Variants in AUTS2 observed in about 807,000 individuals in gnomAD.
The protein encoded by AUTS2 is activator of transcription and developmental regulator AUTS2.
In AUTS2, 17 loss-of-function variants were observed where a neutral mutation model predicts 112.4. The observed-to-expected ratio is 0.15, with a 90% CI of 0.10 to 0.23. AUTS2 has a LOEUF of 0.23. Ranked by LOEUF, AUTS2 falls within the 10% of genes least tolerant of loss-of-function variation. AUTS2 has a pLI of 1.00. For synonymous variants in AUTS2, 751 were observed against 702.7 expected (o/e 1.07, Z -1.09); for missense variants, 1,510 against 1,701.6 (o/e 0.89, Z 1.98).
intron 1 of AUTS2, among the ~76,000 whole-genome samples, chr7:69,637,456 C>T (rs1794601641): frequency 1.3e-5 from 2 of 152,130 alleles, no homozygotes; most frequent in African/African-American, 4.8e-5. Context: ...TTTACGTCAG[C>T]CTTATAATCT....
intron 5 of AUTS2, among the ~76,000 whole-genome samples, chr7:70,441,793 AT>A (rs1009181526): frequency 1.3e-5 from 2 of 152,232 alleles, no homozygotes; most frequent in African/African-American, 4.8e-5. Flanking sequence ...GCAAAGTCTT[AT>A]GTTCCTAACT....
rs138459725 is a variant in AUTS2 at position 69,705,025 on chromosome 7, C to T, written c.309+105063C>T. Among the ~76,000 whole-genome samples the T allele has an allele frequency of 7.9e-5, 12 of 152,248 alleles. No homozygotes were observed. The East Asian group carries it at 2.3e-3, about 29-fold the overall frequency. On this transcript the variant is annotated intron_variant, in intron 1 of 18. Transcript: ENST00000342771. ...GGGACTACAGGTGCACACCACCATG[C>T]CCGGCTAATTTTTGTACTTTTTGTA...
In AUTS2 at chr7:70,698,626, AC is replaced by A; in HGVS notation, c.742+9del. The A allele has an allele frequency of 6.2e-7, 1 of 1,600,602 alleles. No individual in the cohort carries two copies. The highest frequency in any genetic ancestry group is 8.5e-7 in the Non-Finnish European group (1 of 1,172,930). Reference sequence around the variant, plus strand: ...CACTGTTATTGTAAACAAAGGTAAGACCCATTCATTCTCCTGAGTAATGGCT... The same window carrying A: ...CACTGTTATTGTAAACAAAGGTAAGACCATTCATTCTCCTGAGTAATGGCT... On this transcript the variant is annotated splice_region_variant and intron_variant, in intron 6 of 18. Transcript: ENST00000342771.
intron 2 of AUTS2, among the ~76,000 whole-genome samples, chr7:70,091,281 T>C (rs1055586624): frequency 6.6e-6 from 1 of 152,230 alleles, no homozygotes; most frequent in Non-Finnish European, 1.5e-5. Flanking sequence ...AATTTTTTTA[T>C]GATCTGCATT....
chr7:70,392,771 C>G (rs1322253075), intron 4 of AUTS2, among the ~76,000 whole-genome samples: 1 of 152,216 alleles, frequency 6.6e-6, no homozygotes, highest in Non-Finnish European at 1.5e-5. Context: ...CTTTGACATT[C>G]CACTGTTTGG....
intron 5 of AUTS2, among the ~76,000 whole-genome samples, chr7:70,468,147 G>A (rs1034989737): frequency 1.3e-5 from 2 of 152,208 alleles, no homozygotes; most frequent in African/African-American, 4.8e-5. Context: ...GCAACAACAA[G>A]TGAGGGCGAT....
At chr7:70,447,198 A>G (rs1367448825) in intron 5 of AUTS2, among the ~76,000 whole-genome samples, 1 of 152,184 alleles carries the variant, frequency 6.6e-6, no homozygotes, top group Non-Finnish European at 1.5e-5. Context: ...AGTCTCATCA[A>G]CCCAGTTAGA....
chr7:70,518,654 G>A (rs1472294792), intron 5 of AUTS2, among the ~76,000 whole-genome samples: 1 of 151,062 alleles, frequency 6.6e-6, no homozygotes, highest in Admixed American at 6.6e-5. Flanking sequence ...CTGCACTCCA[G>A]CCTGGGCGAC....
intron 4 of AUTS2, among the ~76,000 whole-genome samples, chr7:70,398,648 A>C (rs1435233365): frequency 6.6e-6 from 1 of 152,144 alleles, no homozygotes. Flanking sequence ...ATCTTTCTAC[A>C]TAGATAGTTA....
chr7:70,401,729 A>G (rs535655941), intron 4 of AUTS2, among the ~76,000 whole-genome samples: 1 of 152,326 alleles, frequency 6.6e-6, no homozygotes, highest in African/African-American at 2.4e-5. Context: ...CCAAGGCATG[A>G]GGCAGACATC....
intron 6 of AUTS2, among the ~76,000 whole-genome samples, chr7:70,702,052 C>T (rs1230477323): frequency 6.6e-6 from 1 of 152,194 alleles, no homozygotes; most frequent in Non-Finnish European, 1.5e-5. Flanking sequence ...TACTGTAGAT[C>T]CTTGCTGGTG....
chr7:70,154,807 A>G lies in AUTS2; in HGVS notation c.660+20236A>G, dbSNP rs565334438. Among the ~76,000 whole-genome samples, 18 of 151,834 alleles carry G rather than the reference A, an allele frequency of 1.2e-4. 1 individual carries two copies. Among genetic ancestry groups the G allele is most frequent in the African/African-American group, 3.9e-4 (16 of 41,420 alleles). On this transcript the variant is annotated intron_variant, in intron 4 of 18. Coordinates refer to ENST00000342771, the MANE Select transcript of AUTS2 (RefSeq NM_015570.4). ...TCAGCTGGATCAGCCTCAGAGTGAA[A>G]CTCGCTGCTATTATCTCTTTGGCTA...
chr7:69,849,642 A>AAATATAT (rs1472411394), intron 1 of AUTS2, among the ~76,000 whole-genome samples: 1 of 151,780 alleles, frequency 6.6e-6, no homozygotes, highest in Non-Finnish European at 1.5e-5. Flanking sequence ...ATAAAATATA[A>AAATATAT]AATATATCAC....
At chr7:69,972,659 G>T (rs1210671026) in intron 2 of AUTS2, among the ~76,000 whole-genome samples, 1 of 138,376 alleles carries the variant, frequency 7.2e-6, no homozygotes, top group African/African-American at 2.7e-5. Flanking sequence ...TTCTTTGTGT[G>T]TGTGTGCGTG....
chr7:69,615,368 T>C (rs990160894), intron 1 of AUTS2, among the ~76,000 whole-genome samples: 1 of 152,180 alleles, frequency 6.6e-6, no homozygotes, highest in African/African-American at 2.4e-5. Flanking sequence ...AGTGGCATGA[T>C]CTTGGCCTAC....
intron 1 of AUTS2, among the ~76,000 whole-genome samples, chr7:69,714,237 A>ATGTG (rs138808537): frequency 5.9e-4 from 53 of 89,982 alleles, no homozygotes; most frequent in African/African-American, 2.5e-3. Context: ...CTAATTGTGC[A>ATGTG]TGTGTGTGTA....
At chr7:70,768,845 T>C (rs1405518980) in intron 10 of AUTS2, among the ~76,000 whole-genome samples, 1 of 151,444 alleles carries the variant, frequency 6.6e-6, no homozygotes, top group East Asian at 1.9e-4. Context: ...CATTTTTATC[T>C]GAAAATTTGC....
chr7:70,491,558 ATATAT>A (rs558986956), intron 5 of AUTS2, among the ~76,000 whole-genome samples: 60 of 143,832 alleles, frequency 4.2e-4, no homozygotes, highest in African/African-American at 1.3e-3. Flanking sequence ...GTTATATATA[ATATAT>A]TATGTGTATA....
At chr7:69,969,284 G>A (rs771065961) in intron 2 of AUTS2, among the ~76,000 whole-genome samples, 7 of 152,134 alleles carry the variant, frequency 4.6e-5, no homozygotes, top group African/African-American at 9.7e-5. Flanking sequence ...GAAGGAGAAC[G>A]TTAAGTTAAT....
Sources: gnomAD v4.1 joint callset for allele counts (sites outside exome capture counted in the v4.1 genomes callset) on GRCh38, gnomAD v4.1.1 for gene constraint, MANE v1.5 for transcripts, NCBI Gene and HGNC (gene_info 2026-07-23, HGNC 2026-07-21) for gene names.